Variants in ZNF124 observed in about 807,000 individuals in gnomAD.
ZNF124 encodes zinc finger protein HZF-16.
A neutral mutation model predicts 26.6 loss-of-function variants in ZNF124; 25 were observed. The ratio of observed to expected loss-of-function variants is 0.94; its 90% CI spans 0.68 to 1.31. ZNF124 has a LOEUF of 1.31. Ranked by LOEUF, ZNF124 falls within the 40% of genes most tolerant of loss-of-function variation. The pLI is 0.00. For synonymous variants in ZNF124, 129 were observed against 133.3 expected, an observed-to-expected ratio of 0.97 and a Z score of 0.22; for missense variants, 444 against 422.2, an observed-to-expected ratio of 1.05 and a Z score of -0.45.
rs538540317 is a variant in ZNF124, at chr1:247,123,041, T to C, written c.*827A>G. The C allele has an allele frequency of 2.0e-5, 3 of 152,236 alleles. No individual in the cohort carries two copies. In the East Asian group the frequency reaches 5.8e-4, roughly 29 times the overall value. The allele number at this position is 152,236 out of a possible 1,614,324, so 9.4% of individuals were successfully genotyped here. On this transcript the variant is annotated 3_prime_UTR_variant, in exon 4 of 4. Transcript: ENST00000472531. ...GAGGTGGGACAGCCAACTTGGACCA[T>C]GAAGGAATAAGCATGAACACAATAA...
Position 247,149,332 on chromosome 1 carries a change from A to G in ZNF124, c.218+9674T>C, listed in dbSNP as rs566953405. Reference sequence around the variant, plus strand: ...ACTAGAACTACCATATTATCCAGCAAGCCCACTTCTGGGATTATATCCAAA... The same window carrying G: ...ACTAGAACTACCATATTATCCAGCAGGCCCACTTCTGGGATTATATCCAAA... On this transcript the variant is annotated intron_variant, in intron 3 of 3. Transcript: ENST00000472531. Among the ~76,000 whole-genome samples the G allele has an allele frequency of 1.1e-4, 16 of 152,354 alleles. No individual in the cohort carries two copies. The East Asian group carries it at 3.1e-3, about 29-fold the overall frequency.
downstream of ZNF124, among the ~76,000 whole-genome samples, chr1:247,151,493 A>C (rs1178070602): frequency 4.6e-5 from 7 of 152,126 alleles, no homozygotes; most frequent in Non-Finnish European, 7.4e-5. Context: ...AAAAAAAAAA[A>C]AACCATGTGT....
chr1:247,146,873 C>T (rs1053580202), intron 3 of ZNF124, among the ~76,000 whole-genome samples: 1 of 152,090 alleles, frequency 6.6e-6, no homozygotes, highest in African/African-American at 2.4e-5. Flanking sequence ...GGCATCAAGG[C>T]AGAATTTCTA....
chr1:247,160,167 G>A (rs1480981422), intron 1 of ZNF124, among the ~76,000 whole-genome samples: 3 of 151,986 alleles, frequency 2.0e-5, no homozygotes, highest in African/African-American at 7.2e-5. Context: ...TGTATTTTTA[G>A]TAGAGACAGG....
chr1:247,154,802 C>T (rs1673043884), downstream of ZNF124, among the ~76,000 whole-genome samples: 1 of 152,110 alleles, frequency 6.6e-6, no homozygotes, highest in African/African-American at 2.4e-5. Flanking sequence ...AGTTTGAGAC[C>T]AGCCTGGGTG....
chr1:247,136,612 A>G (rs1357015839), intron 3 of ZNF124, among the ~76,000 whole-genome samples: 1 of 152,194 alleles, frequency 6.6e-6, no homozygotes, highest in Non-Finnish European at 1.5e-5. Flanking sequence ...TCAAACTACC[A>G]TTGACATTCT....
chr1:247,140,791 T>A (rs528488307), intron 3 of ZNF124, among the ~76,000 whole-genome samples: 2 of 152,318 alleles, frequency 1.3e-5, no homozygotes, highest in African/African-American at 4.8e-5. Flanking sequence ...TGCTTAGGCA[T>A]ACTGGTTAGT....
chr1:247,155,927 G>C lies in ZNF124; in HGVS notation c.*639C>G. 2.2e-6 allele frequency: 2 copies of C among 911,386 alleles called. No homozygotes were observed. Among genetic ancestry groups the C allele is most frequent in the Non-Finnish European group, 2.6e-6 (2 of 767,416 alleles). 56.5% of individuals were successfully genotyped at this position (911,386 alleles called of 1,614,324 possible). ...AAAAGAAGTGAAAATCTATATTCTA[G>C]AGACTCTCTTCAAAAATGAGCAACC... On this transcript the variant is annotated 3_prime_UTR_variant, in exon 4 of 4. Transcript: ENST00000543802.
At chr1:247,138,565 A>T in intron 3 of ZNF124, 1 of 385,266 alleles carries the variant, frequency 2.6e-6, no homozygotes, top group Non-Finnish European at 4.6e-6. Flanking sequence ...CACATGTTCT[A>T]CACGTATCCC....
chr1:247,144,091 T>A (rs1322161798), intron 3 of ZNF124, among the ~76,000 whole-genome samples: 1 of 152,116 alleles, frequency 6.6e-6, no homozygotes, highest in Non-Finnish European at 1.5e-5. Context: ...CCAACATGAT[T>A]TCCAGATTTT....
Position 247,156,542 on chromosome 1 carries a change from C to A in ZNF124, c.*24G>T. The A allele has an allele frequency of 6.7e-7, 1 of 1,500,620 alleles. No homozygotes were observed. Among genetic ancestry groups the A allele is most frequent in the Non-Finnish European group, 8.9e-7 (1 of 1,127,984 alleles). The allele number at this position is 1,500,620 out of a possible 1,614,324, so 93.0% of individuals were successfully genotyped here. On this transcript the variant is annotated 3_prime_UTR_variant, in exon 4 of 4. Coordinates refer to ENST00000543802, the MANE Select transcript of ZNF124 (RefSeq NM_001297568.2). ...AGTATGTGACTGTTCATGTTTTTGA[C>A]AAAAACTGTAGTGATTAAAGCCTTT...
chr1:247,153,374 G>A (rs1008576432), downstream of ZNF124, among the ~76,000 whole-genome samples: 25 of 152,092 alleles, frequency 1.6e-4, no homozygotes, highest in Admixed American at 1.4e-3. Flanking sequence ...CTTAAACATC[G>A]AGAGGGTAAG....
rs192658311 is a variant in ZNF124, at chr1:247,148,688, C to T, written c.218+10318G>A. On this transcript the variant is annotated intron_variant, in intron 3 of 3. Transcript: ENST00000472531. ...GAAATCCCAGTGCTTTGGCAGGGCA[C>T]GGTGGCTCACGCCTGTAATCCCAGC... 1.8e-3 allele frequency among the ~76,000 whole-genome samples: 272 copies of T among 152,062 alleles called. 1 individual carries two copies. Among genetic ancestry groups the T allele is most frequent in the Non-Finnish European group, 2.4e-3 (161 of 67,962 alleles).
chr1:247,123,932 A>G (rs1373750621), intron 3 of ZNF124: 2 of 701,472 alleles, frequency 2.9e-6, no homozygotes, highest in African/African-American at 3.5e-5. Flanking sequence ...CCCTTCCTGT[A>G]TTTATGCCCT....
At chr1:247,151,223 T>C (rs969987825), downstream of ZNF124, among the ~76,000 whole-genome samples, 1 of 151,962 alleles carries the variant, frequency 6.6e-6, no homozygotes, top group African/African-American at 2.4e-5. Context: ...CTCACGCCTG[T>C]AATCCCAGCA....
intron 3 of ZNF124, among the ~76,000 whole-genome samples, chr1:247,130,992 C>T (rs1027196649): frequency 1.3e-5 from 2 of 152,212 alleles, no homozygotes; most frequent in Admixed American, 1.3e-4. Flanking sequence ...AGGAGAATCG[C>T]TTGAACCCAG....
intron 1 of ZNF124, among the ~76,000 whole-genome samples, chr1:247,169,175 G>C (rs1673950412): frequency 6.6e-6 from 1 of 152,052 alleles, no homozygotes; most frequent in South Asian, 2.1e-4. Flanking sequence ...ACAAAGCTTT[G>C]CAAGAGGACA....
In ZNF124 at chr1:247,156,518, G is replaced by A. The variant is rs1401737863; in HGVS notation, c.*48C>T. On this transcript the variant is annotated 3_prime_UTR_variant, in exon 4 of 4. Transcript: ENST00000543802. ...ACCTTACATTCACAGTTTCTCTCAA[G>A]TATGTGACTGTTCATGTTTTTGACA... 1 of 1,487,952 alleles carries A rather than the reference G, an allele frequency of 6.7e-7. No homozygotes were observed. Among genetic ancestry groups the A allele is most frequent in the African/African-American group, 1.4e-5 (1 of 71,238 alleles). The allele number at this position is 1,487,952 out of a possible 1,614,324, so 92.2% of individuals were successfully genotyped here.
At chr1:247,146,474 T>C (rs1672782210) in intron 3 of ZNF124, among the ~76,000 whole-genome samples, 1 of 152,196 alleles carries the variant, frequency 6.6e-6, no homozygotes, top group South Asian at 2.1e-4. Context: ...ACTGGAGTTC[T>C]GTAGCAAGCT....
Sources: allele counts gnomAD v4.1 joint callset (sites outside exome capture counted in the v4.1 genomes callset), GRCh38; gene constraint gnomAD v4.1.1; transcripts MANE v1.5; gene names NCBI Gene and HGNC (gene_info 2026-07-23, HGNC 2026-07-21).